C9: variants seen among roughly 807,000 people sequenced by gnomAD.
C9 encodes complement component C9.
In C9, 63 loss-of-function variants were observed where a neutral mutation model predicts 65.4. The observed-to-expected ratio is 0.96, with a 90% CI of 0.79 to 1.19. C9 has a LOEUF of 1.19. C9 is among the 50% of genes most tolerant of loss of function. The probability of loss-of-function intolerance (pLI) is 0.00; values close to 1 mark genes in which losing one functional copy is unlikely to be tolerated. For missense variants in C9, 744 were observed against 670.1 expected (o/e 1.11, Z -1.22); for synonymous variants, 229 against 227.9 (o/e 1.00, Z -0.04).
intron 5 of C9, among the ~76,000 whole-genome samples, chr5:39,322,902 C>G (rs932832916): frequency 3.3e-5 from 5 of 151,994 alleles, no homozygotes; most frequent in Non-Finnish European, 7.4e-5. Context: ...ATGCAAATAC[C>G]ACACCATGTT....
At position 39,306,704 on chromosome 5, in the gene C9, C is replaced by G; in HGVS notation, c.1329G>C (p.Lys443Asn). 1 of 1,613,270 alleles carries G rather than the reference C, an allele frequency of 6.2e-7. No homozygotes were observed. ...TRKYAFELKEKLLRGTVIDVT... is the reference protein window; with the variant it reads ...TRKYAFELKENLLRGTVIDVT... The stretch of plus-strand genomic sequence containing the variant: ...CATCAATCACGGTTCCTCGGAGAAG[C>G]TTTTCTTTCAGTTCAAATGCATATT... Residue 443 changes from lysine (K) to asparagine (N), a missense_variant, in exon 9 of 11, where the codon AAG (lysine) becomes AAC (asparagine). Physicochemically the swap from Lys to Asn is moderately conservative, Grantham distance 94. Coordinates refer to ENST00000263408, the MANE Select transcript of C9 (RefSeq NM_001737.5).
At chr5:39,316,894 C>A (rs1273493571) in intron 5 of C9, among the ~76,000 whole-genome samples, 2 of 152,124 alleles carry the variant, frequency 1.3e-5, no homozygotes, top group African/African-American at 4.8e-5. Context: ...AATGGTATTT[C>A]TGCTTCTAGA....
chr5:39,331,630 T>G (rs1371571573), intron 5 of C9, 46 bp downstream of exon 5: 2 of 1,585,678 alleles, frequency 1.3e-6, no homozygotes, highest in African/African-American at 2.7e-5. Context: ...TTAAGCAATT[T>G]TTCAGCCAAA....
In C9 at chr5:39,323,020, T is replaced by C. The variant is rs146420435; in HGVS notation, c.616-6991A>G. On this transcript the variant is annotated intron_variant, in intron 5 of 10. Transcript: ENST00000263408. ...GATACCACAGAAATATAAATAAACA[T>C]AAGATATTACTGTGAAAAATTATGC... 6.4e-4 allele frequency among the ~76,000 whole-genome samples: 97 copies of C among 151,960 alleles called. 1 individual carries two copies. Among genetic ancestry groups the C allele is most frequent in the Admixed American group, 2.0e-3 (30 of 15,254 alleles).
chr5:39,348,613 C>G (rs540626200), intron 1 of C9, among the ~76,000 whole-genome samples: 3 of 152,078 alleles, frequency 2.0e-5, no homozygotes, highest in Non-Finnish European at 4.4e-5. Flanking sequence ...GTCAGTGTGG[C>G]GATTCCTCAG....
At chr5:39,332,340 C>T (rs1382553582) in intron 4 of C9, among the ~76,000 whole-genome samples, 2 of 152,154 alleles carry the variant, frequency 1.3e-5, no homozygotes, top group African/African-American at 4.8e-5. Context: ...AACCTCATTC[C>T]CTCCAGGCTT....
At chr5:39,330,026 A>G (rs563479426) in intron 5 of C9, among the ~76,000 whole-genome samples, 17 of 152,234 alleles carry the variant, frequency 1.1e-4, no homozygotes, top group Non-Finnish European at 2.5e-4. Context: ...GCCAACCCCT[A>G]TTCAACTCCC....
At position 39,315,774 on chromosome 5, in the gene C9, C is replaced by G; in HGVS notation, c.870+1G>C. 6.3e-7 allele frequency: 1 copy of G among 1,592,612 alleles called. No homozygotes were observed. The highest frequency in any genetic ancestry group is 8.6e-7 in the Non-Finnish European group (1 of 1,161,580). On this transcript the variant is annotated splice_donor_variant, in intron 6 of 10. Coordinates refer to ENST00000263408, the MANE Select transcript of C9 (RefSeq NM_001737.5). LOFTEE classifies it high-confidence loss of function. ...TTCCTATATTAACTGTTTTGTCTTACCTTCTTTGAAGAATATGACAAAAAT... is the reference window on the plus strand; with the variant it reads ...TTCCTATATTAACTGTTTTGTCTTAGCTTCTTTGAAGAATATGACAAAAAT...
chr5:39,298,484 T>C (rs1418913989), intron 9 of C9, among the ~76,000 whole-genome samples: 1 of 151,746 alleles, frequency 6.6e-6, no homozygotes, highest in Non-Finnish European at 1.5e-5. Context: ...AGGATATCAC[T>C]ATAGAATCTA....
intron 4 of C9, among the ~76,000 whole-genome samples, chr5:39,334,297 G>T (rs1034358030): frequency 6.6e-6 from 1 of 150,788 alleles, no homozygotes; most frequent in African/African-American, 2.5e-5. Context: ...GCCTCTGCCC[G>T]GCCGCAACCC....
intron 1 of C9, among the ~76,000 whole-genome samples, chr5:39,348,389 A>G (rs1389626257): frequency 1.3e-5 from 2 of 152,246 alleles, no homozygotes; most frequent in East Asian, 3.8e-4. Flanking sequence ...TCAAAAGAAG[A>G]CATTTATGCA....
At chr5:39,344,895 C>A (rs1002447542) in intron 1 of C9, among the ~76,000 whole-genome samples, 2 of 152,146 alleles carry the variant, frequency 1.3e-5, no homozygotes. Flanking sequence ...GAATTTTCAA[C>A]CCAGAATTTC....
intron 4 of C9, among the ~76,000 whole-genome samples, chr5:39,333,795 G>C (rs1000906087): frequency 1.4e-4 from 21 of 149,388 alleles, no homozygotes; most frequent in African/African-American, 4.8e-4. Flanking sequence ...TATTTTTTTG[G>C]TGGAGACGGG....
chr5:39,329,330 C>T (rs1053168078), intron 5 of C9, among the ~76,000 whole-genome samples: 5 of 152,144 alleles, frequency 3.3e-5, no homozygotes, highest in Non-Finnish European at 7.4e-5. Context: ...CTAATATTTA[C>T]TGAGGGCTTG....
chr5:39,351,440 G>C (rs1459427286), intron 1 of C9, among the ~76,000 whole-genome samples: 1 of 152,186 alleles, frequency 6.6e-6, no homozygotes, highest in Non-Finnish European at 1.5e-5. Context: ...TGGTCAGGCT[G>C]CAAATTTCCC....
chr5:39,318,557 CT>C (rs5867455), intron 5 of C9, among the ~76,000 whole-genome samples: 5,344 of 142,834 alleles, frequency 0.037, 256 homozygotes, highest in African/African-American at 0.12. Context: ...TCAATTAGAA[CT>C]TTTTTTTTTT....
chr5:39,285,697 T>C (rs1235570959), intron 10 of C9, among the ~76,000 whole-genome samples: 1 of 138,664 alleles, frequency 7.2e-6, no homozygotes, highest in African/African-American at 2.5e-5. Flanking sequence ...TTTTGTTTTG[T>C]TTCTTTTTTT....
chr5:39,288,647 A>C lies in C9; in HGVS notation c.1645+76T>G, dbSNP rs1753034043. On this transcript the variant is annotated intron_variant, in intron 10 of 10. Coordinates refer to ENST00000263408, the MANE Select transcript of C9 (RefSeq NM_001737.5). ...CTAGAGATTTAGTACAAATTAATTC[A>C]AGAGCTAGTTTTCAAATTAGATAAC... The C allele has an allele frequency of 5.1e-6, 4 of 787,580 alleles. No individual in the cohort carries two copies. The East Asian group carries it at 1.0e-4, about 20-fold the overall frequency. 48.8% of individuals were successfully genotyped at this position (787,580 alleles called of 1,614,324 possible).
chr5:39,338,332 G>A (rs966677306), intron 4 of C9, among the ~76,000 whole-genome samples: 2 of 151,996 alleles, frequency 1.3e-5, no homozygotes, highest in Non-Finnish European at 2.9e-5. Context: ...AGGAGGAGAG[G>A]GTAAGGTGGT....
Sources: allele counts gnomAD v4.1 joint callset (sites outside exome capture counted in the v4.1 genomes callset), GRCh38; gene constraint gnomAD v4.1.1; transcripts MANE v1.5; gene names NCBI Gene and HGNC (gene_info 2026-07-23, HGNC 2026-07-21).